UBE3D: variants seen among roughly 807,000 people sequenced by gnomAD.
UBE3D encodes the protein ubiquitin protein ligase E3D.
Under a neutral mutation model 49.6 loss-of-function variants are expected in UBE3D, and 48 were observed. The ratio of observed to expected loss-of-function variants is 0.97; its 90% confidence interval spans 0.77 to 1.23. The LOEUF is 1.23. Among genes scored for constraint, UBE3D ranks in the 50% most tolerant of loss-of-function variants. UBE3D has a pLI of 0.00. For missense variants in UBE3D, 452 were observed against 468.4 expected (o/e 0.96, Z 0.32); for synonymous variants, 189 against 174.2 (o/e 1.08, Z -0.67).
chr6:82,954,017 G>C (rs1271320049), intron 9 of UBE3D, among the ~76,000 whole-genome samples: 1 of 152,176 alleles, frequency 6.6e-6, no homozygotes, highest in Non-Finnish European at 1.5e-5. Flanking sequence ...TCGTGATAAG[G>C]ACAGGGAGAT....
At chr6:83,001,566 T>TAC (rs1475820304) in intron 8 of UBE3D, among the ~76,000 whole-genome samples, 1 of 152,152 alleles carries the variant, frequency 6.6e-6, no homozygotes, top group Non-Finnish European at 1.5e-5. Flanking sequence ...CACCTCTTAC[T>TAC]ACACAAAATT....
intron 9 of UBE3D, among the ~76,000 whole-genome samples, chr6:82,955,155 TTGAAA>T (rs111791665): frequency 0.032 from 4,816 of 152,244 alleles, 229 homozygotes; most frequent in African/African-American, 0.11. Flanking sequence ...TTCCATGAGA[TTGAAA>T]TGACATCCTT....
At chr6:82,940,289 G>A (rs1290950030) in intron 9 of UBE3D, among the ~76,000 whole-genome samples, 1 of 152,114 alleles carries the variant, frequency 6.6e-6, no homozygotes, top group African/African-American at 2.4e-5. Context: ...ACACCCTGCA[G>A]GGCAAAAAGG....
chr6:82,909,660 GT>G (rs1772358656), intron 9 of UBE3D, among the ~76,000 whole-genome samples: 1 of 152,288 alleles, frequency 6.6e-6, no homozygotes, highest in African/African-American at 2.4e-5. Flanking sequence ...GAACTCTTAG[GT>G]TGGAAAAGCT....
At chr6:83,016,512 T>C (rs1488534956) in intron 8 of UBE3D, among the ~76,000 whole-genome samples, 1 of 151,966 alleles carries the variant, frequency 6.6e-6, no homozygotes, top group African/African-American at 2.4e-5. Context: ...AAGAACTCCA[T>C]CCTTAATATT....
At chr6:82,973,889 C>T (rs187844231) in intron 8 of UBE3D, among the ~76,000 whole-genome samples, 3 of 152,214 alleles carry the variant, frequency 2.0e-5, no homozygotes, top group East Asian at 1.9e-4. Context: ...AGCCTGAACC[C>T]TATTGTGAAC....
chr6:82,921,326 T>C (rs182578788), intron 9 of UBE3D, among the ~76,000 whole-genome samples: 2 of 152,198 alleles, frequency 1.3e-5, no homozygotes, highest in East Asian at 3.9e-4. Context: ...GTAGGAAAAA[T>C]TCCTGAAGCC....
At chr6:82,883,259 A>G in the UBE3D span, among the ~76,000 whole-genome samples, 1 of 152,202 alleles carries the variant, frequency 6.6e-6, no homozygotes, top group South Asian at 2.1e-4. Flanking sequence ...AGGAAGTGAT[A>G]TTGGAAATAA....
chr6:82,903,697 T>C lies in UBE3D; in HGVS notation c.1150-10655A>G, dbSNP rs942075970. Among the ~76,000 whole-genome samples the C allele has an allele frequency of 2.6e-5, 4 of 152,208 alleles. No individual in the cohort carries two copies. In the South Asian group the frequency reaches 6.2e-4, roughly 24 times the overall value. ...TTTTAAAAAGAAAAACATGCTAATA[T>C]AGCCATTTAAGAATAAATACCATTT... On this transcript the variant is annotated intron_variant, in intron 9 of 9. Transcript: ENST00000369747.
chr6:82,965,126 A>T (rs1012693562), intron 8 of UBE3D, among the ~76,000 whole-genome samples: 1 of 152,210 alleles, frequency 6.6e-6, no homozygotes, highest in African/African-American at 2.4e-5. Context: ...CCCACACATC[A>T]GAAAGCATTG....
At chr6:82,884,988 G>A in the UBE3D span, among the ~76,000 whole-genome samples, 1 of 152,100 alleles carries the variant, frequency 6.6e-6, no homozygotes, top group Non-Finnish European at 1.5e-5. Context: ...TTTTGCAAAA[G>A]CTTTTCTGCT....
Position 83,057,972 on chromosome 6 carries a change from G to A in UBE3D, c.128C>T (p.Ser43Leu), listed in dbSNP as rs1426402096. 3 of 1,614,178 alleles carry A rather than the reference G, an allele frequency of 1.9e-6. No individual in the cohort carries two copies. Among genetic ancestry groups the A allele is most frequent in the Non-Finnish European group, 8.5e-7 (1 of 1,180,038 alleles). Residue 43 changes from serine (S) to leucine (L), a missense_variant, in exon 2 of 10, where the codon TCA becomes TTA. Ser to Leu is a moderately radical substitution (Grantham distance 145). Transcript: ENST00000369747. ...GCCTTCAGGGGTTTTCATCTGGAGT[G>A]AAGATGGCATTATGGAAATATTCAT... ...MPMNISIMPSSLQMKTPEGCT... is the reference protein window; with the variant it reads ...MPMNISIMPSLLQMKTPEGCT...
intron 8 of UBE3D, among the ~76,000 whole-genome samples, chr6:82,995,723 G>A (rs940098353): frequency 2.0e-5 from 3 of 152,050 alleles, no homozygotes; most frequent in Admixed American, 6.6e-5. Context: ...AAACAAACGC[G>A]TCAACTAGAA....
chr6:82,953,910 C>T lies in UBE3D; in HGVS notation c.1149+3402G>A, dbSNP rs533665608. 2.1e-3 allele frequency among the ~76,000 whole-genome samples: 322 copies of T among 152,280 alleles called. 1 individual carries two copies. The highest frequency in any genetic ancestry group is 5.3e-3 in the African/African-American group (219 of 41,556). On this transcript the variant is annotated intron_variant, in intron 9 of 9. Coordinates refer to ENST00000369747, the MANE Select transcript of UBE3D (RefSeq NM_198920.3). ...GGGGATACCTGAACTGAGACCTGAACGACAAGAAGCAGGTGGCCATGCAAA... is the reference window on the plus strand; with the variant it reads ...GGGGATACCTGAACTGAGACCTGAATGACAAGAAGCAGGTGGCCATGCAAA...
intron 1 of UBE3D, among the ~76,000 whole-genome samples, 184 bp from the exon 2 acceptor site, chr6:83,058,206 T>C (rs1340810149): frequency 6.6e-6 from 1 of 152,166 alleles, no homozygotes; most frequent in Non-Finnish European, 1.5e-5. Context: ...TTAGATCTGA[T>C]CAGAGTGCCC....
chr6:83,040,698 C>A (rs1457459561), intron 4 of UBE3D, among the ~76,000 whole-genome samples: 1 of 152,214 alleles, frequency 6.6e-6, no homozygotes, highest in Non-Finnish European at 1.5e-5. Context: ...CAAAAGCACA[C>A]ATGAACTTCA....
At chr6:82,883,169 C>G in the UBE3D span, among the ~76,000 whole-genome samples, 1 of 151,928 alleles carries the variant, frequency 6.6e-6, no homozygotes, top group Non-Finnish European at 1.5e-5. Flanking sequence ...AAGACTTCAT[C>G]GTTTTATTTT....
intron 8 of UBE3D, among the ~76,000 whole-genome samples, chr6:83,012,374 G>T (rs1388096480): frequency 6.6e-6 from 1 of 152,162 alleles, no homozygotes; most frequent in Non-Finnish European, 1.5e-5. Context: ...CTCAGTGTTG[G>T]TCTCTGCTGC....
chr6:83,008,857 G>A (rs573388630), intron 8 of UBE3D, among the ~76,000 whole-genome samples: 6 of 152,086 alleles, frequency 3.9e-5, no homozygotes, highest in African/African-American at 9.7e-5. Context: ...TTCCTACCTC[G>A]GGGGCAGAGA....
Sources: allele counts gnomAD v4.1 joint callset (sites outside exome capture counted in the v4.1 genomes callset), GRCh38; gene constraint gnomAD v4.1.1; transcripts MANE v1.5; gene names NCBI Gene and HGNC (gene_info 2026-07-23, HGNC 2026-07-21).